KCNB2: variants seen among roughly 807,000 people sequenced by gnomAD.
The protein encoded by KCNB2 is delayed rectifier potassium channel protein.
Under a neutral mutation model 61.5 loss-of-function variants are expected in KCNB2, and 15 were observed. The observed-to-expected ratio is 0.24, with a 90% CI of 0.16 to 0.38. The LOEUF (loss-of-function observed/expected upper bound fraction) is 0.38, where lower values mean the gene tolerates loss of function less well. Ranked by LOEUF, KCNB2 falls within the 10% of genes least tolerant of loss-of-function variation. KCNB2 has a pLI of 1.00. For synonymous variants in KCNB2, 457 were observed against 446.0 expected (o/e 1.02, Z -0.31); for missense variants, 828 against 1,125.2 (o/e 0.74, Z 3.78).
At chr8:72,666,564 A>G (rs1268184268) in intron 2 of KCNB2, among the ~76,000 whole-genome samples, 1 of 152,100 alleles carries the variant, frequency 6.6e-6, no homozygotes, top group South Asian at 2.1e-4. Flanking sequence ...AGGAAGCAGT[A>G]TTCTGTGGTG....
intron 2 of KCNB2, among the ~76,000 whole-genome samples, chr8:72,870,371 CAT>C (rs767481447): frequency 4.6e-5 from 7 of 152,066 alleles, no homozygotes; most frequent in African/African-American, 1.4e-4. Context: ...TTTAAAAAAA[CAT>C]ATTAAAATTG....
chr8:72,626,509 A>C (rs1805791715), intron 2 of KCNB2, among the ~76,000 whole-genome samples: 3 of 152,242 alleles, frequency 2.0e-5, no homozygotes, highest in Admixed American at 2.0e-4. Context: ...TCATAGAGCT[A>C]GCTCTTGTTG....
At chr8:72,900,225 G>A (rs774722875) in intron 2 of KCNB2, among the ~76,000 whole-genome samples, 28 of 152,054 alleles carry the variant, frequency 1.8e-4, no homozygotes, top group Non-Finnish European at 7.4e-5. Flanking sequence ...TGACAAAGCT[G>A]ACAAAAACAA....
Position 72,920,453 on chromosome 8 carries a change from C to CTATA in KCNB2, c.580-15479_580-15478insATAT. 5.7e-3 allele frequency among the ~76,000 whole-genome samples: 246 copies of CTATA among 43,090 alleles called. 24 individuals carry two copies. The highest frequency in any genetic ancestry group is 0.014 in the African/African-American group (160 of 11,082). The allele number at this position is 43,090 out of a possible 152,430, so 28.3% of individuals were successfully genotyped here. A position where few individuals can be genotyped will look rare whatever the true frequency, so the allele number is the denominator to read the frequency against. On this transcript the variant is annotated intron_variant, in intron 2 of 2. Transcript: ENST00000523207. ...CCCCCTCTCCACTATATCTATCTAT[C>CTATA]TATCTATCTATCTATCTATCTATAT...
intron 2 of KCNB2, among the ~76,000 whole-genome samples, chr8:72,869,328 C>G (rs551352829): frequency 3.3e-5 from 5 of 152,238 alleles, no homozygotes; most frequent in Admixed American, 2.0e-4. Flanking sequence ...AGGAAGGGGA[C>G]AAGGGAATAA....
intron 2 of KCNB2, among the ~76,000 whole-genome samples, chr8:72,769,670 C>T (rs1808529355): frequency 1.3e-5 from 2 of 152,090 alleles, no homozygotes; most frequent in Admixed American, 6.5e-5. Context: ...GACAGGCAAT[C>T]GGATTGGAAA....
At chr8:72,826,278 A>AC (rs1809594443) in intron 2 of KCNB2, among the ~76,000 whole-genome samples, 1 of 152,338 alleles carries the variant, frequency 6.6e-6, no homozygotes, top group Non-Finnish European at 1.5e-5. Context: ...AGGAAGTAGG[A>AC]ACTGCCGATT....
intron 2 of KCNB2, among the ~76,000 whole-genome samples, chr8:72,790,234 G>A (rs752549529): frequency 2.6e-5 from 4 of 152,176 alleles, no homozygotes; most frequent in Non-Finnish European, 4.4e-5. Context: ...AGTCAAGGTA[G>A]TAAATGAAAG....
chr8:72,757,479 G>A (rs1244415709), intron 2 of KCNB2, among the ~76,000 whole-genome samples: 1 of 152,160 alleles, frequency 6.6e-6, no homozygotes, highest in African/African-American at 2.4e-5. Context: ...AATTTATAAG[G>A]TATAGGGAAA....
At chr8:72,585,399 G>A (rs562469438) in intron 2 of KCNB2, among the ~76,000 whole-genome samples, 42 of 152,222 alleles carry the variant, frequency 2.8e-4, no homozygotes, top group African/African-American at 9.1e-4. Context: ...TCCTCAGTTA[G>A]AGCTTAAACC....
chr8:72,783,052 A>G (rs1484114026), intron 2 of KCNB2, among the ~76,000 whole-genome samples: 2 of 152,182 alleles, frequency 1.3e-5, no homozygotes, highest in Non-Finnish European at 2.9e-5. Flanking sequence ...AATCTACTCT[A>G]CATTATAGAT....
At chr8:72,714,854 G>A (rs1441471950) in intron 2 of KCNB2, among the ~76,000 whole-genome samples, 3 of 152,030 alleles carry the variant, frequency 2.0e-5, no homozygotes, top group East Asian at 1.9e-4. Flanking sequence ...CAATTAAAAG[G>A]CACAGACTGG....
intron 2 of KCNB2, chr8:72,875,222 G>A (rs1805684131): frequency 6.6e-6 from 1 of 152,206 alleles, no homozygotes; most frequent in Non-Finnish European, 1.5e-5. Flanking sequence ...GAAGAGAACA[G>A]ACACACCCTC....
At chr8:72,801,697 A>T (rs1347311244) in intron 2 of KCNB2, among the ~76,000 whole-genome samples, 2 of 152,134 alleles carry the variant, frequency 1.3e-5, no homozygotes, top group Admixed American at 6.5e-5. Context: ...ATCAGGGTGC[A>T]ATAAGACCAC....
intron 2 of KCNB2, among the ~76,000 whole-genome samples, chr8:72,783,623 G>C (rs1808800159): frequency 6.6e-6 from 1 of 152,080 alleles, no homozygotes; most frequent in African/African-American, 2.4e-5. Context: ...CCCATTAACT[G>C]TTTTGTCTTC....
intron 2 of KCNB2, among the ~76,000 whole-genome samples, chr8:72,817,466 C>G (rs550306270): frequency 1.5e-3 from 233 of 152,208 alleles, no homozygotes; most frequent in African/African-American, 5.5e-3. Context: ...GCAAAATAAT[C>G]AAATGTTTGA....
chr8:72,743,857 A>T (rs1353584299), intron 2 of KCNB2, among the ~76,000 whole-genome samples: 2 of 151,760 alleles, frequency 1.3e-5, no homozygotes, highest in Non-Finnish European at 2.9e-5. Flanking sequence ...TTAGAAAAAT[A>T]TGAGAAAATA....
intron 1 of KCNB2, among the ~76,000 whole-genome samples, chr8:72,550,477 G>A (rs1380215967): frequency 6.6e-6 from 1 of 152,222 alleles, no homozygotes; most frequent in Non-Finnish European, 1.5e-5. Flanking sequence ...ATTGCAGTGA[G>A]TTTGCCCCAG....
chr8:72,868,056 GT>G (rs67377649), intron 2 of KCNB2, among the ~76,000 whole-genome samples: 23,639 of 143,664 alleles, frequency 0.16, 2,522 homozygotes, highest in Non-Finnish European at 0.24. Context: ...TTGATTTTGG[GT>G]TTTTTTTTTT....
Sources: allele counts gnomAD v4.1 joint callset (sites outside exome capture counted in the v4.1 genomes callset), GRCh38; gene constraint gnomAD v4.1.1; transcripts MANE v1.5; gene names NCBI Gene and HGNC (gene_info 2026-07-23, HGNC 2026-07-21).